DEPDC4: variants seen among roughly 807,000 people sequenced by gnomAD.
DEPDC4 encodes the protein DEP domain-containing protein 4.
In DEPDC4, 52 loss-of-function variants were observed where a neutral mutation model predicts 52.0. The ratio of observed to expected loss-of-function variants is 1.00; its 90% CI spans 0.80 to 1.26. The LOEUF is 1.26. Among genes scored for constraint, DEPDC4 ranks in the 50% most tolerant of loss-of-function variants. The pLI, the probability that DEPDC4 is intolerant of heterozygous loss-of-function variation, is 0.00. For synonymous variants in DEPDC4, 201 were observed against 196.8 expected (o/e 1.02, Z -0.18); for missense variants, 530 against 546.9 (o/e 0.97, Z 0.31).
rs2096160406 is a variant in DEPDC4 at position 100,241,858 on chromosome 12, A to C, written c.*47-13T>G. On this transcript the variant is annotated splice_polypyrimidine_tract_variant and intron_variant, in intron 9 of 9. Coordinates refer to ENST00000550587, the MANE Select transcript of DEPDC4 (RefSeq NM_001364818.2). ...CAAAACGTAAAGCCTGGAAAAAAAAAAAAAAAACAAAAGAAAAAGAAAAGT... is the reference window on the plus strand; with the variant it reads ...CAAAACGTAAAGCCTGGAAAAAAAACAAAAAAACAAAAGAAAAAGAAAAGT... The C allele has an allele frequency of 2.5e-6, 3 of 1,199,520 alleles. No individual in the cohort carries two copies. Among genetic ancestry groups the C allele is most frequent in the East Asian group, 6.3e-5 (1 of 15,818 alleles). 74.3% of individuals were successfully genotyped at this position (1,199,520 alleles called of 1,614,324 possible).
At chr12:100,264,202 G>T (rs2096263978) in intron 1 of DEPDC4, among the ~76,000 whole-genome samples, 1 of 152,076 alleles carries the variant, frequency 6.6e-6, no homozygotes, top group African/African-American at 2.4e-5. Flanking sequence ...TTATTTTAGG[G>T]CATATTTAAA....
intron 3 of DEPDC4, 34 bp from the exon 4 acceptor site, chr12:100,256,260 G>A (rs1382058972): frequency 6.7e-6 from 10 of 1,494,036 alleles, no homozygotes; most frequent in African/African-American, 4.2e-5. Context: ...GATCAAGATT[G>A]GTAAATAAAA....
chr12:100,254,898 T>G (rs550932582), intron 4 of DEPDC4, among the ~76,000 whole-genome samples: 1 of 152,228 alleles, frequency 6.6e-6, no homozygotes, highest in South Asian at 2.1e-4. Flanking sequence ...ATTTAAAAAT[T>G]TTTTTTTCAG....
intron 3 of DEPDC4, among the ~76,000 whole-genome samples, chr12:100,257,002 T>A (rs1399122573): frequency 1.3e-5 from 2 of 152,154 alleles, no homozygotes; most frequent in Non-Finnish European, 2.9e-5. Context: ...TTTCCAGTCA[T>A]TCCTGTTAAG....
At chr12:100,271,102 G>A (rs2096287128), upstream of DEPDC4, among the ~76,000 whole-genome samples, 1 of 151,898 alleles carries the variant, frequency 6.6e-6, no homozygotes, top group South Asian at 2.1e-4. Context: ...CATGATTTCT[G>A]TATAGAACAA....
At chr12:100,254,319 C>CTT (rs67921438) in intron 4 of DEPDC4, among the ~76,000 whole-genome samples, 1,779 of 89,146 alleles carry the variant, frequency 0.02, 1 homozygote, top group East Asian at 0.033. Context: ...TTTTTTTTGA[C>CTT]TTTTTTTTTT....
At chr12:100,259,077 A>AT (rs1555312790) in intron 3 of DEPDC4, among the ~76,000 whole-genome samples, 7 of 129,340 alleles carry the variant, frequency 5.4e-5, no homozygotes, top group African/African-American at 2.2e-4. Context: ...TCTCAAAAAA[A>AT]AAAAATATAT....
chr12:100,256,256 G>A, intron 3 of DEPDC4, 30 bp from the exon 4 acceptor site: 1 of 1,522,562 alleles, frequency 6.6e-7, no homozygotes, highest in Non-Finnish European at 9.0e-7. Flanking sequence ...CAATGATCAA[G>A]ATTGGTAAAT....
intron 8 of DEPDC4, among the ~76,000 whole-genome samples, chr12:100,245,893 A>G (rs1261073073): frequency 6.6e-6 from 1 of 152,042 alleles, no homozygotes; most frequent in Non-Finnish European, 1.5e-5. Flanking sequence ...ATACCTATCA[A>G]TCTCTCTAGT....
At chr12:100,280,183 A>G in the DEPDC4 span, among the ~76,000 whole-genome samples, 1 of 152,210 alleles carries the variant, frequency 6.6e-6, no homozygotes, top group Admixed American at 6.5e-5. Flanking sequence ...TGTTAAAAGC[A>G]AGAGGGCAGA....
intron 8 of DEPDC4, among the ~76,000 whole-genome samples, chr12:100,243,236 G>A (rs1370644952): frequency 6.6e-6 from 1 of 151,818 alleles, no homozygotes; most frequent in African/African-American, 2.4e-5. Flanking sequence ...TAAAAGGGGG[G>A]GTACTGTAAG....
the DEPDC4 span, among the ~76,000 whole-genome samples, chr12:100,273,776 A>G: frequency 6.6e-6 from 1 of 152,132 alleles, no homozygotes; most frequent in Non-Finnish European, 1.5e-5. Flanking sequence ...TAATATTTCC[A>G]TAGCATGTAC....
At chr12:100,235,510 GC>G (rs1269615108), downstream of DEPDC4, among the ~76,000 whole-genome samples, 1 of 151,432 alleles carries the variant, frequency 6.6e-6, no homozygotes, top group Non-Finnish European at 1.5e-5. Context: ...CCAATTTGTA[GC>G]CTTTTATCCC....
chr12:100,270,023 G>T (rs1371430424), upstream of DEPDC4, among the ~76,000 whole-genome samples: 4 of 147,852 alleles, frequency 2.7e-5, no homozygotes, highest in Non-Finnish European at 5.9e-5. Flanking sequence ...GTGTCACTCT[G>T]TCACCCAGGC....
chr12:100,259,081 A>T (rs7303646), intron 3 of DEPDC4, among the ~76,000 whole-genome samples: 23,081 of 148,888 alleles, frequency 0.16, 2,396 homozygotes, highest in African/African-American at 0.3. Flanking sequence ...AAAAAAAAAA[A>T]ATATATATAT....
At chr12:100,254,213 T>C (rs2096221502) in intron 4 of DEPDC4, among the ~76,000 whole-genome samples, 1 of 151,970 alleles carries the variant, frequency 6.6e-6, no homozygotes, top group African/African-American at 2.4e-5. Context: ...TGGAAGGCCT[T>C]CATTTCTCCC....
Position 100,241,599 on chromosome 12 carries a change from G to T in DEPDC4, c.*293C>A. 1.1e-6 allele frequency: 1 copy of T among 888,306 alleles called. No homozygotes were observed. Among genetic ancestry groups the T allele is most frequent in the Non-Finnish European group, 1.4e-6 (1 of 698,064 alleles). 55.0% of individuals were successfully genotyped at this position (888,306 alleles called of 1,614,324 possible). Reference sequence around the variant, plus strand: ...AGATTATGCTTTCTCTGAAGTGTAAGTATGGCAATTTGAGAAAACCACCAG... The same window carrying T: ...AGATTATGCTTTCTCTGAAGTGTAATTATGGCAATTTGAGAAAACCACCAG... On this transcript the variant is annotated 3_prime_UTR_variant, in exon 10 of 10. Coordinates refer to ENST00000550587, the MANE Select transcript of DEPDC4 (RefSeq NM_001364818.2).
intron 3 of DEPDC4, among the ~76,000 whole-genome samples, chr12:100,260,248 G>A (rs1183224198): frequency 1.3e-5 from 2 of 151,732 alleles, no homozygotes; most frequent in Non-Finnish European, 2.9e-5. Context: ...AGCCTCCAGA[G>A]TAGCTAGGAT....
At chr12:100,266,705 G>A (rs1292795310) in intron 1 of DEPDC4, among the ~76,000 whole-genome samples, 1 of 152,170 alleles carries the variant, frequency 6.6e-6, no homozygotes, top group African/African-American at 2.4e-5. Context: ...GAGAAAAAAC[G>A]CTTTCCTGCA....
Sources: gnomAD v4.1 joint callset for allele counts (sites outside exome capture counted in the v4.1 genomes callset) on GRCh38, gnomAD v4.1.1 for gene constraint, MANE v1.5 for transcripts, NCBI Gene and HGNC (gene_info 2026-07-23, HGNC 2026-07-21) for gene names.